UMAD1: variants seen among roughly 807,000 people sequenced by gnomAD.
UMAD1 encodes UBAP1-MVB12-associated (UMA)-domain containing protein 1.
A neutral mutation model predicts 6.1 loss-of-function variants in UMAD1; 8 were observed. That is an observed-to-expected ratio of 1.30 (90% CI 0.76 to 2.35). The LOEUF is 2.35. UMAD1 is among the 30% of genes most tolerant of loss of function. The pLI is 0.00. For missense variants in UMAD1, 130 were observed against 78.4 expected, an observed-to-expected ratio of 1.66 and a Z score of -2.49; for synonymous variants, 56 against 31.4, an observed-to-expected ratio of 1.78 and a Z score of -2.61.
At chr7:7,805,812 A>T (rs1403559521) in intron 3 of UMAD1, among the ~76,000 whole-genome samples, 1 of 152,106 alleles carries the variant, frequency 6.6e-6, no homozygotes. Flanking sequence ...GTCACTTTTC[A>T]TGACTACCTC....
At chr7:7,748,734 C>T (rs1453228546) in intron 2 of UMAD1, among the ~76,000 whole-genome samples, 1 of 151,664 alleles carries the variant, frequency 6.6e-6, no homozygotes, top group Non-Finnish European at 1.5e-5. Flanking sequence ...CATTTATAGA[C>T]ATATAAGTAT....
In UMAD1 at chr7:7,845,772, G is replaced by A. The variant is rs554360542; in HGVS notation, c.157-31509G>A. Reference sequence around the variant, plus strand: ...TTTTTAAATAGATCTAGTTAATACCGTAGTAGAGTTTTCAAATTTCCTTGC... The same window carrying A: ...TTTTTAAATAGATCTAGTTAATACCATAGTAGAGTTTTCAAATTTCCTTGC... On this transcript the variant is annotated intron_variant, in intron 3 of 3. Transcript: ENST00000682710. 2.4e-3 allele frequency among the ~76,000 whole-genome samples: 358 copies of A among 152,118 alleles called. 3 individuals are homozygous for A. Among genetic ancestry groups the A allele is most frequent in the African/African-American group, 8.2e-3 (339 of 41,530 alleles).
chr7:7,653,145 G>GT (rs918282149), intron 1 of UMAD1, among the ~76,000 whole-genome samples: 5 of 152,124 alleles, frequency 3.3e-5, no homozygotes, highest in African/African-American at 1.2e-4. Flanking sequence ...TTTGCAGGGT[G>GT]TTTTTTCATT....
chr7:7,867,371 C>G (rs910658850), intron 3 of UMAD1, among the ~76,000 whole-genome samples: 1 of 151,902 alleles, frequency 6.6e-6, no homozygotes, highest in Non-Finnish European at 1.5e-5. Flanking sequence ...TAAGCTCATC[C>G]GAAGAAGTGT....
At chr7:7,645,136 GT>G (rs998192959) in intron 1 of UMAD1, among the ~76,000 whole-genome samples, 2 of 151,584 alleles carry the variant, frequency 1.3e-5, no homozygotes, top group South Asian at 4.2e-4. Context: ...TTTTCTATCA[GT>G]TTTTTTTGGA....
intron 3 of UMAD1, among the ~76,000 whole-genome samples, chr7:7,813,348 G>T (rs1783060868): frequency 1.3e-5 from 2 of 152,112 alleles, no homozygotes; most frequent in East Asian, 1.9e-4. Flanking sequence ...GGGACTACAG[G>T]CATGCGACAC....
At chr7:7,683,167 T>C (rs10277292) in intron 2 of UMAD1, among the ~76,000 whole-genome samples, 95,788 of 152,046 alleles carry the variant, frequency 0.63, 30,497 homozygotes, top group East Asian at 0.87. Context: ...CATTCATTTT[T>C]TTCGGGGACT....
chr7:7,846,409 G>A (rs1447388679), intron 3 of UMAD1, among the ~76,000 whole-genome samples: 3 of 151,966 alleles, frequency 2.0e-5, no homozygotes, highest in Non-Finnish European at 4.4e-5. Flanking sequence ...CCATAGATAC[G>A]TAAAAATTTG....
At chr7:7,759,097 G>A (rs6463715) in intron 2 of UMAD1, among the ~76,000 whole-genome samples, 12,951 of 152,086 alleles carry the variant, frequency 0.085, 756 homozygotes, top group African/African-American at 0.16. Context: ...GGCTTTTGTT[G>A]TTTGTGTTAC....
At chr7:7,690,558 G>T (rs943041967) in intron 2 of UMAD1, among the ~76,000 whole-genome samples, 1 of 152,052 alleles carries the variant, frequency 6.6e-6, no homozygotes. Flanking sequence ...ATTATAAGGT[G>T]GGGGTGATGC....
At chr7:7,695,215 G>GA (rs1322930905) in intron 2 of UMAD1, among the ~76,000 whole-genome samples, 1 of 152,122 alleles carries the variant, frequency 6.6e-6, no homozygotes, top group Non-Finnish European at 1.5e-5. Flanking sequence ...TCCAAGTAGA[G>GA]AAAATCACTG....
chr7:7,702,785 TTTG>T (rs148600831), intron 2 of UMAD1, among the ~76,000 whole-genome samples: 10,501 of 150,410 alleles, frequency 0.07, 379 homozygotes, highest in Middle Eastern at 0.12. Flanking sequence ...GGCCTGGGTT[TTTG>T]TTGTTGTTGT....
intron 1 of UMAD1, among the ~76,000 whole-genome samples, chr7:7,642,659 G>A (rs1785001008): frequency 6.6e-6 from 1 of 152,084 alleles, no homozygotes; most frequent in Non-Finnish European, 1.5e-5. Context: ...ATGATGTACA[G>A]AAAAAAGTAT....
chr7:7,742,580 G>A (rs1018245011), intron 2 of UMAD1: 1 of 510,636 alleles, frequency 2.0e-6, no homozygotes, highest in African/African-American at 2.0e-5. Flanking sequence ...AAAGGGTCAG[G>A]ACAATTTCTA....
rs564791175 is a variant in UMAD1 at position 7,862,516 on chromosome 7, C to T, written c.157-14765C>T. ...ATGGGAAGTTAAGTATTAATAGAAT[C>T]CAGTGTGACTAACAAGGGATATCAA... On this transcript the variant is annotated intron_variant, in intron 3 of 3. Coordinates refer to ENST00000682710, the MANE Select transcript of UMAD1 (RefSeq NM_001302348.2). Among the ~76,000 whole-genome samples the T allele has an allele frequency of 1.4e-4, 22 of 152,218 alleles. No individual in the cohort carries two copies. The South Asian group carries it at 4.6e-3, about 32-fold the overall frequency.
Position 7,658,848 on chromosome 7 carries a change from T to A in UMAD1, c.-63-14461T>A, listed in dbSNP as rs1459528908. On this transcript the variant is annotated intron_variant, in intron 1 of 3. Transcript: ENST00000682710. Reference sequence around the variant, plus strand: ...ATGAGTTAGGGAGGAGCCCCTTTTTTTCTATTGTTTGGAATAGTTTCAGAA... The same window carrying A: ...ATGAGTTAGGGAGGAGCCCCTTTTTATCTATTGTTTGGAATAGTTTCAGAA... 3.3e-5 allele frequency among the ~76,000 whole-genome samples: 5 copies of A among 152,220 alleles called. No homozygotes were observed. In the East Asian group the frequency reaches 9.6e-4, roughly 29 times the overall value.
chr7:7,660,823 A>G (rs140152438), intron 1 of UMAD1, among the ~76,000 whole-genome samples: 240 of 152,200 alleles, frequency 1.6e-3, no homozygotes, highest in African/African-American at 5.6e-3. Context: ...TGTTCTCTGT[A>G]TTTCCTGAAT....
At chr7:7,677,704 C>T (rs1410644876) in intron 2 of UMAD1, among the ~76,000 whole-genome samples, 145 of 133,396 alleles carry the variant, frequency 1.1e-3, no homozygotes, top group African/African-American at 3.9e-3. Context: ...GACGGAGTCT[C>T]GCTCTGTCGC....
intron 2 of UMAD1, among the ~76,000 whole-genome samples, chr7:7,681,107 G>T (rs1050966442): frequency 1.3e-5 from 2 of 152,040 alleles, no homozygotes; most frequent in Non-Finnish European, 2.9e-5. Flanking sequence ...GATTATATTT[G>T]TAGCAACAAC....
Sources: allele counts gnomAD v4.1 joint callset (sites outside exome capture counted in the v4.1 genomes callset), GRCh38; gene constraint gnomAD v4.1.1; transcripts MANE v1.5; gene names NCBI Gene and HGNC (gene_info 2026-07-23, HGNC 2026-07-21).